The following PCDHGB4 variants were observed in gnomAD, a reference collection of about 807,000 sequenced individuals.
The protein encoded by PCDHGB4 is protocadherin gamma subfamily B, 4, also known as protocadherin gamma-B4.
PCDHGB4 carries 38 observed loss-of-function variants against 60.5 expected under a neutral mutation model. That is an observed-to-expected ratio of 0.63 (90% confidence interval 0.48 to 0.82). The LOEUF (loss-of-function observed/expected upper bound fraction) is 0.82, where lower values mean the gene tolerates loss of function less well. Among genes scored for constraint, PCDHGB4 ranks in the 40% least tolerant of loss-of-function variants. The probability of loss-of-function intolerance (pLI) is 0.00; values close to 1 mark genes in which losing one functional copy is unlikely to be tolerated. For synonymous variants in PCDHGB4, 456 were observed against 509.7 expected, an observed-to-expected ratio of 0.89 and a Z score of 1.42; for missense variants, 1,109 against 1,209.6, an observed-to-expected ratio of 0.92 and a Z score of 1.23.
At chr5:141,421,603 G>T (rs1207844782) in intron 1 of PCDHGB4, 4 of 1,613,758 alleles carry the variant, frequency 2.5e-6, no homozygotes, top group Non-Finnish European at 3.4e-6. Context: ...GGAAATAATA[G>T]ATATTAATGA....
At chr5:141,464,408 T>C (rs2154568477) in intron 1 of PCDHGB4, among the ~76,000 whole-genome samples, 1 of 151,718 alleles carries the variant, frequency 6.6e-6, no homozygotes, top group African/African-American at 2.4e-5. Flanking sequence ...CTGAGATATA[T>C]ATATATCTAT....
rs773340535 is a variant in PCDHGB4, at chr5:141,388,285, C to G, written c.401C>G (p.Thr134Arg). Reference protein sequence around the residue: ...EDINDHTPKFTQNSFELQISE... With the variant: ...EDINDHTPKFRQNSFELQISE... Reference sequence around the variant, plus strand: ...ATTAATGACCACACGCCAAAATTCACGCAAAATTCCTTTGAGCTGCAAATA... The same window carrying G: ...ATTAATGACCACACGCCAAAATTCAGGCAAAATTCCTTTGAGCTGCAAATA... Residue 134 changes from threonine to arginine, a missense_variant, in exon 1 of 4, where the codon ACG (threonine) becomes AGG (arginine). By Grantham distance (71) the Thr-to-Arg change is moderately conservative. Transcript: ENST00000519479. 3 of 1,613,318 alleles carry G rather than the reference C, an allele frequency of 1.9e-6. No homozygotes were observed. The Admixed American group carries it at 5.0e-5, about 27-fold the overall frequency.
At position 141,431,159 on chromosome 5, in the gene PCDHGB4, C is replaced by T. The variant is rs1017606383; in HGVS notation, c.2397+40878C>T. Reference sequence around the variant, plus strand: ...CATTAACGACAATGCGCCTTACTTTCGTGAAAGTGAATTAGAAATAAAAAT... The same window carrying T: ...CATTAACGACAATGCGCCTTACTTTTGTGAAAGTGAATTAGAAATAAAAAT... On this transcript the variant is annotated intron_variant, in intron 1 of 3. Transcript: ENST00000519479. The surrounding 1 kb of genome is among the most constrained non-coding windows in gnomAD (Gnocchi z 4.8). 1 of 1,614,158 alleles carries T rather than the reference C, an allele frequency of 6.2e-7. No individual in the cohort carries two copies. The highest frequency in any genetic ancestry group is 1.3e-5 in the African/African-American group (1 of 75,046).
chr5:141,421,895 G>A, intron 1 of PCDHGB4: 1 of 1,613,730 alleles, frequency 6.2e-7, no homozygotes, highest in African/African-American at 1.3e-5. Flanking sequence ...GATCCCATCC[G>A]AAAGGGCGCA....
intron 1 of PCDHGB4, chr5:141,421,613 A>T (rs2096587756): frequency 6.2e-7 from 1 of 1,613,720 alleles, no homozygotes; most frequent in Admixed American, 1.7e-5. Context: ...GATATTAATG[A>T]TAACGCCCCC....
chr5:141,491,763 T>C lies in PCDHGB4; in HGVS notation c.2398-3044T>C. 1 of 1,570,222 alleles carries C rather than the reference T, an allele frequency of 6.4e-7. No homozygotes were observed. Among genetic ancestry groups the C allele is most frequent in the Non-Finnish European group, 8.6e-7 (1 of 1,159,286 alleles). Reference sequence around the variant, plus strand: ...GCGGCACTGGAGAAGCCGCCCGTCCTCATAAGGGATTGAACTTGCATCCAC... The same window carrying C: ...GCGGCACTGGAGAAGCCGCCCGTCCCCATAAGGGATTGAACTTGCATCCAC... On this transcript the variant is annotated intron_variant, in intron 1 of 3. Coordinates refer to ENST00000519479, the MANE Select transcript of PCDHGB4 (RefSeq NM_003736.4). The surrounding 1 kb of genome is among the most constrained non-coding windows in gnomAD (Gnocchi z 6.9).
intron 1 of PCDHGB4, chr5:141,403,000 A>T: frequency 1.1e-5 from 18 of 1,613,980 alleles, no homozygotes; most frequent in Non-Finnish European, 1.4e-5. Context: ...TAGTCCTGCT[A>T]TGCTCGCTCC....
At chr5:141,450,004 C>CTTTAT (rs2098662217) in intron 1 of PCDHGB4, among the ~76,000 whole-genome samples, 1 of 75,148 alleles carries the variant, frequency 1.3e-5, no homozygotes, top group Non-Finnish European at 2.3e-5. Flanking sequence ...GTTGCCATGT[C>CTTTAT]TCTTTTTTTT....
At chr5:141,443,126 A>G (rs972396091) in intron 1 of PCDHGB4, among the ~76,000 whole-genome samples, 1 of 152,190 alleles carries the variant, frequency 6.6e-6, no homozygotes, top group Non-Finnish European at 1.5e-5. Context: ...AACCAGATTA[A>G]GAACACTATC....
chr5:141,413,788 G>T (rs2095678300), intron 1 of PCDHGB4: 1 of 1,613,166 alleles, frequency 6.2e-7, no homozygotes, highest in African/African-American at 1.3e-5. Flanking sequence ...GCACTCCCTA[G>T]ATCGCGAGGA....
rs1301352900 is a variant in PCDHGB4, at chr5:141,491,765, A to T, written c.2398-3042A>T. ...GGCACTGGAGAAGCCGCCCGTCCTC[A>T]TAAGGGATTGAACTTGCATCCACTC... On this transcript the variant is annotated intron_variant, in intron 1 of 3. Transcript: ENST00000519479. The surrounding 1 kb of genome is among the most constrained non-coding windows in gnomAD (Gnocchi z 6.9). 1.3e-6 allele frequency: 2 copies of T among 1,569,228 alleles called. No individual in the cohort carries two copies. Among genetic ancestry groups the T allele is most frequent in the Non-Finnish European group, 1.7e-6 (2 of 1,158,736 alleles).
intron 1 of PCDHGB4, chr5:141,422,008 C>T (rs767148055): frequency 1.2e-5 from 20 of 1,609,502 alleles, no homozygotes; most frequent in Admixed American, 5.1e-5. Context: ...CTCCGGAACT[C>T]GGGTGCTGAT....
Position 141,431,354 on chromosome 5 carries a change from G to A in PCDHGB4, c.2397+41073G>A, listed in dbSNP as rs777198567. On this transcript the variant is annotated intron_variant, in intron 1 of 3. Coordinates refer to ENST00000519479, the MANE Select transcript of PCDHGB4 (RefSeq NM_003736.4). This position sits in a 1 kb window ranked among gnomAD's most constrained non-coding sequence, Gnocchi z 4.8. ...GTACCCCGAATTGGTGCTGAAACGC[G>A]CCCTGGACCGCGAAGAAAAGGCTGC... is the stretch of plus-strand genomic sequence containing the variant. 1 of 1,614,036 alleles carries A rather than the reference G, an allele frequency of 6.2e-7. No homozygotes were observed. Among genetic ancestry groups the A allele is most frequent in the South Asian group, 1.1e-5 (1 of 91,086 alleles).
chr5:141,442,596 T>C (rs2154559877), intron 1 of PCDHGB4: 1 of 152,310 alleles, frequency 6.6e-6, no homozygotes, highest in South Asian at 2.1e-4. Flanking sequence ...TTAAATATTT[T>C]CAGAGATCTC....
intron 1 of PCDHGB4, chr5:141,394,415 C>G: frequency 6.2e-7 from 1 of 1,614,242 alleles, no homozygotes; most frequent in Non-Finnish European, 8.5e-7. Flanking sequence ...TGGTAACAGC[C>G]AGCGACAGCG....
chr5:141,418,389 A>G (rs768078575), intron 1 of PCDHGB4: 1 of 1,613,996 alleles, frequency 6.2e-7, no homozygotes, highest in South Asian at 1.1e-5. Context: ...CCTAACGAGT[A>G]TTTCTCATTG....
rs888457230 is a variant in PCDHGB4, at chr5:141,493,727, C to T, written c.2398-1080C>T. On this transcript the variant is annotated intron_variant, in intron 1 of 3. Transcript: ENST00000519479. This position sits in a 1 kb window ranked among gnomAD's most constrained non-coding sequence, Gnocchi z 4.3. ...TGGAATGCTAGGTTTCTGGGTTCTG[C>T]TCATATCACTGCCACCTGTGAGCCT... Among the ~76,000 whole-genome samples, 2 of 152,184 alleles carry T rather than the reference C, an allele frequency of 1.3e-5. No homozygotes were observed. Among genetic ancestry groups the T allele is most frequent in the Admixed American group, 6.5e-5 (1 of 15,280 alleles).
At position 141,481,719 on chromosome 5, in the gene PCDHGB4, G is replaced by A. The variant is rs1055207250; in HGVS notation, c.2398-13088G>A. On this transcript the variant is annotated intron_variant, in intron 1 of 3. Coordinates refer to ENST00000519479, the MANE Select transcript of PCDHGB4 (RefSeq NM_003736.4). ...CTGTAATCCCAGCACTTTGGGAGGC[G>A]GAGGCGGGCGGATCACGAGGTCAGG... 5.3e-5 allele frequency among the ~76,000 whole-genome samples: 8 copies of A among 151,716 alleles called. No homozygotes were observed. In the East Asian group the frequency reaches 9.7e-4, roughly 18 times the overall value.
chr5:141,449,095 T>C (rs2098628347), intron 1 of PCDHGB4, among the ~76,000 whole-genome samples: 1 of 152,204 alleles, frequency 6.6e-6, no homozygotes. Flanking sequence ...AGTTTTTACA[T>C]ATGCAGTATA....
Sources: allele counts gnomAD v4.1 joint callset (sites outside exome capture counted in the v4.1 genomes callset), GRCh38; gene constraint gnomAD v4.1.1; non-coding constraint Gnocchi (gnomAD v3.1); transcripts MANE v1.5; gene names NCBI Gene and HGNC (gene_info 2026-07-23, HGNC 2026-07-21).